The following GRAP2 variants were observed in gnomAD, a reference collection of about 807,000 sequenced individuals.
The protein encoded by GRAP2 is GRB2-related adapter protein 2.
Under a neutral mutation model 43.5 loss-of-function variants are expected in GRAP2, and 31 were observed. The ratio of observed to expected loss-of-function variants is 0.71; its 90% CI spans 0.54 to 0.96. The LOEUF (loss-of-function observed/expected upper bound fraction) is 0.96. Ranked by LOEUF, GRAP2 falls within the 40% of genes least tolerant of loss-of-function variation. The probability of loss-of-function intolerance (pLI) is 0.00; values close to 1 mark genes in which losing one functional copy is unlikely to be tolerated. For synonymous variants in GRAP2, 156 were observed against 164.8 expected (o/e 0.95, Z 0.41); for missense variants, 371 against 424.4 (o/e 0.87, Z 1.11).
At chr22:39,901,543 T>C (rs1485907920) in intron 1 of GRAP2, among the ~76,000 whole-genome samples, 3 of 152,206 alleles carry the variant, frequency 2.0e-5, no homozygotes, top group Non-Finnish European at 2.9e-5. Flanking sequence ...GGGAGAACAC[T>C]TGTTCCTTAC....
chr22:39,909,457 A>G (rs533817569), intron 1 of GRAP2, among the ~76,000 whole-genome samples: 7 of 152,220 alleles, frequency 4.6e-5, no homozygotes, highest in Admixed American at 1.3e-4. Flanking sequence ...TGAAGGGTCA[A>G]TTAGGTGTTA....
chr22:39,931,192 TGAGA>T (rs1203472969), intron 1 of GRAP2, among the ~76,000 whole-genome samples: 1 of 152,104 alleles, frequency 6.6e-6, no homozygotes, highest in Non-Finnish European at 1.5e-5. Flanking sequence ...TGGATACTCC[TGAGA>T]GAGAGAAGGT....
chr22:39,937,262 C>T (rs2066816053), intron 1 of GRAP2, among the ~76,000 whole-genome samples: 1 of 152,178 alleles, frequency 6.6e-6, no homozygotes, highest in African/African-American at 2.4e-5. Flanking sequence ...TGTGTGTCCC[C>T]TCAAAGGTAG....
At chr22:39,938,703 C>T (rs1472254338) in intron 1 of GRAP2, among the ~76,000 whole-genome samples, 1 of 152,256 alleles carries the variant, frequency 6.6e-6, no homozygotes, top group African/African-American at 2.4e-5. Context: ...CAAGAATCAG[C>T]TGCCCGTTAG....
At chr22:39,969,098 T>A (rs1487929820) in intron 6 of GRAP2, among the ~76,000 whole-genome samples, 3 of 152,196 alleles carry the variant, frequency 2.0e-5, no homozygotes, top group African/African-American at 7.2e-5. Flanking sequence ...CCCCTCTAAA[T>A]GGAAGCTCCA....
chr22:39,970,052 T>C (rs2067221915), intron 7 of GRAP2, among the ~76,000 whole-genome samples: 1 of 152,204 alleles, frequency 6.6e-6, no homozygotes, highest in African/African-American at 2.4e-5. Context: ...CCTGTTCTCA[T>C]AGTTCTCAGT....
intron 4 of GRAP2, chr22:39,960,881 A>C (rs2067112249): frequency 1.3e-5 from 2 of 151,174 alleles, no homozygotes; most frequent in Non-Finnish European, 2.9e-5. Flanking sequence ...TAGAAATGGG[A>C]TTGGACAAAG....
At chr22:39,907,956 C>T (rs1330766919) in intron 1 of GRAP2, among the ~76,000 whole-genome samples, 1 of 152,180 alleles carries the variant, frequency 6.6e-6, no homozygotes. Context: ...CCTTCCACAA[C>T]ACTGGTCCAA....
At chr22:39,959,321 T>C (rs1014025208) in intron 3 of GRAP2, among the ~76,000 whole-genome samples, 4 of 152,212 alleles carry the variant, frequency 2.6e-5, no homozygotes, top group African/African-American at 9.7e-5. Context: ...AAAAGAGTAA[T>C]TTCTCCTGTT....
intron 1 of GRAP2, among the ~76,000 whole-genome samples, chr22:39,921,732 A>G (rs2066654462): frequency 6.6e-6 from 1 of 152,228 alleles, no homozygotes; most frequent in Admixed American, 6.5e-5. Context: ...AAAATGTGTT[A>G]CTGAAATTCC....
Position 39,925,582 on chromosome 22 carries a change from C to T in GRAP2, c.-14-21511C>T, listed in dbSNP as rs369283475. 3.0e-4 allele frequency among the ~76,000 whole-genome samples: 45 copies of T among 152,270 alleles called. 1 individual carries two copies. The highest frequency in any genetic ancestry group is 1.0e-3 in the African/African-American group (42 of 41,546). ...TAACTCTTGCTCATCTCCCTAATGA[C>T]GGATTCAGCATGTGGCCTCAGATCT... On this transcript the variant is annotated intron_variant, in intron 1 of 7. Transcript: ENST00000344138.
intron 1 of GRAP2, among the ~76,000 whole-genome samples, chr22:39,903,714 C>T (rs1025360223): frequency 6.6e-6 from 1 of 151,996 alleles, no homozygotes; most frequent in Non-Finnish European, 1.5e-5. Flanking sequence ...TGAACTCAAG[C>T]GATTCGCCTG....
chr22:39,896,471 A>G (rs2066466943), upstream of GRAP2, among the ~76,000 whole-genome samples: 1 of 152,190 alleles, frequency 6.6e-6, no homozygotes. Flanking sequence ...TTGGCAGGAA[A>G]GCTGGGGAAT....
intron 1 of GRAP2, among the ~76,000 whole-genome samples, chr22:39,929,482 A>G (rs1452256640): frequency 1.3e-5 from 2 of 152,216 alleles, no homozygotes; most frequent in African/African-American, 2.4e-5. Flanking sequence ...TGCCAACATT[A>G]TATTAGAAAG....
intron 1 of GRAP2, among the ~76,000 whole-genome samples, chr22:39,909,877 CAG>C (rs777914990): frequency 6.6e-6 from 1 of 152,174 alleles, no homozygotes; most frequent in Admixed American, 6.5e-5. Flanking sequence ...ATAGGAGAAA[CAG>C]GGTCTTCTTT....
At chr22:39,917,361 A>G (rs1352733352) in intron 1 of GRAP2, among the ~76,000 whole-genome samples, 2 of 151,992 alleles carry the variant, frequency 1.3e-5, no homozygotes, top group African/African-American at 2.4e-5. Flanking sequence ...ATTCCAGCCA[A>G]TTTCACTAAC....
intron 5 of GRAP2, 63 bp downstream of exon 5, chr22:39,966,221 A>G: frequency 2.2e-6 from 3 of 1,337,042 alleles, no homozygotes; most frequent in Non-Finnish European, 3.2e-6. Context: ...TCTCACATGA[A>G]CCACCAGGAA....
At chr22:39,968,731 G>A (rs902052444) in intron 6 of GRAP2, 2 of 166,332 alleles carry the variant, frequency 1.2e-5, no homozygotes, top group African/African-American at 4.8e-5. Context: ...GGACAATACG[G>A]CCAGATAACA....
At chr22:39,960,251 C>T (rs2067104153) in intron 4 of GRAP2, 77 bp downstream of exon 4, 3 of 1,394,680 alleles carry the variant, frequency 2.2e-6, no homozygotes, top group South Asian at 1.2e-5. Flanking sequence ...ATGAAGGGAC[C>T]TCTGGAATAT....
Sources: allele counts gnomAD v4.1 joint callset (sites outside exome capture counted in the v4.1 genomes callset), GRCh38; gene constraint gnomAD v4.1.1; transcripts MANE v1.5; gene names NCBI Gene and HGNC (gene_info 2026-07-23, HGNC 2026-07-21).